The following RBFOX1 variants were observed in gnomAD, a reference collection of about 807,000 sequenced individuals.
The protein encoded by RBFOX1 is RNA binding fox-1 homolog 1, also known as RNA binding protein fox-1 homolog 1.
In RBFOX1, 8 loss-of-function variants were observed where a neutral mutation model predicts 57.7. That is an observed-to-expected ratio of 0.14 (90% CI 0.08 to 0.25). The LOEUF (loss-of-function observed/expected upper bound fraction) is 0.25. RBFOX1 is among the 10% of genes least tolerant of loss of function. The pLI is 1.00. For missense variants in RBFOX1, 611 were observed against 548.5 expected (o/e 1.11, Z -1.14); for synonymous variants, 326 against 222.4 (o/e 1.47, Z -4.15).
At chr16:6,406,843 G>T (rs1325869089) in intron 2 of RBFOX1, among the ~76,000 whole-genome samples, 1 of 152,122 alleles carries the variant, frequency 6.6e-6, no homozygotes, top group Non-Finnish European at 1.5e-5. Flanking sequence ...GTTAGAAATA[G>T]AATAGATCCA....
At chr16:5,568,885 G>A (rs1596308059) in intron 2 of RBFOX1, among the ~76,000 whole-genome samples, 1 of 152,288 alleles carries the variant, frequency 6.6e-6, no homozygotes, top group South Asian at 2.1e-4. Flanking sequence ...CTGTTGCCCA[G>A]GTTGGAGTGC....
At chr16:6,949,877 C>G (rs1330617532) in intron 3 of RBFOX1, among the ~76,000 whole-genome samples, 2 of 151,876 alleles carry the variant, frequency 1.3e-5, no homozygotes, top group African/African-American at 2.4e-5. Context: ...TGTTGCTGAA[C>G]TGTTCTCCCT....
In RBFOX1 at chr16:5,905,262, A is replaced by T. The variant is rs13339284; in HGVS notation, c.351+37927A>T. 6.6e-5 allele frequency among the ~76,000 whole-genome samples: 10 copies of T among 151,114 alleles called. No individual in the cohort carries two copies. The East Asian group carries it at 2.0e-3, about 31-fold the overall frequency. On this transcript the variant is annotated intron_variant, in intron 4 of 19. Transcript: ENST00000641259. The stretch of plus-strand genomic sequence containing the variant: ...TTCGTATTATTAGTAGAGACGGCCC[A>T]GGCTGGTCTAGAACTCCGGACCTCA...
At position 6,856,002 on chromosome 16, in the gene RBFOX1, A is replaced by G. The variant is rs141462827; in HGVS notation, c.-15-196055A>G. Among the ~76,000 whole-genome samples the G allele has an allele frequency of 7.7e-3, 1,173 of 151,988 alleles. 9 individuals carry two copies. Among genetic ancestry groups the G allele is most frequent in the Non-Finnish European group, 0.013 (858 of 67,986 alleles). Reference sequence around the variant, plus strand: ...CCTAATACAGGCCTATTGATCCTCCATCTTCCCTTATATTCTCTAACTAGG... The same window carrying G: ...CCTAATACAGGCCTATTGATCCTCCGTCTTCCCTTATATTCTCTAACTAGG... On this transcript the variant is annotated intron_variant, in intron 3 of 15. Coordinates refer to ENST00000550418, the MANE Select transcript of RBFOX1 (RefSeq NM_018723.4).
chr16:6,598,946 A>AAAAAC lies in RBFOX1; in HGVS notation c.-63-55638_-63-55634dup, dbSNP rs139494676. 3.7e-3 allele frequency among the ~76,000 whole-genome samples: 510 copies of AAAAAC among 136,198 alleles called. 3 individuals carry two copies. The highest frequency in any genetic ancestry group is 0.018 in the African/African-American group (491 of 26,644). The allele number at this position is 136,198 out of a possible 152,430, so 89.4% of individuals were successfully genotyped here. The stretch of plus-strand genomic sequence containing the variant: ...GTGTAACAGAGCAAGACTCCATGTT[A>AAAAAC]AAAACAAAACAAAACAAAACAAACT... On this transcript the variant is annotated intron_variant, in intron 2 of 15. Transcript: ENST00000550418.
chr16:6,086,599 T>C (rs2096088097), intron 1 of RBFOX1, among the ~76,000 whole-genome samples: 1 of 152,192 alleles, frequency 6.6e-6, no homozygotes, highest in Admixed American at 6.5e-5. Flanking sequence ...TACTGCTGAC[T>C]GGGCTGGGGG....
chr16:7,347,151 T>G (rs1055766574), intron 4 of RBFOX1, among the ~76,000 whole-genome samples: 1 of 152,146 alleles, frequency 6.6e-6, no homozygotes, highest in Non-Finnish European at 1.5e-5. Flanking sequence ...GGACACATTT[T>G]TTGGTTGTCG....
intron 4 of RBFOX1, among the ~76,000 whole-genome samples, chr16:7,256,859 C>T (rs759138539): frequency 6.6e-6 from 1 of 152,114 alleles, no homozygotes; most frequent in Admixed American, 6.5e-5. Context: ...CTGTCACTTC[C>T]CTATCCCCAC....
chr16:5,357,487 A>G (rs2065423358), intron 1 of RBFOX1, among the ~76,000 whole-genome samples: 1 of 152,252 alleles, frequency 6.6e-6, no homozygotes, highest in Non-Finnish European at 1.5e-5. Context: ...AGAGCCACAC[A>G]GAGAAGACTT....
In RBFOX1 at chr16:5,709,843, ATTTTTTTTTTTTTTTTTTTTTT is replaced by A. The variant is rs35733374; in HGVS notation, c.318+110895_318+110916del. ...TATATATATATATATATATATATAT[ATTTTTTTTTTTTTTTTTTTTTT>A]TTTTTTTTTTTTACCATTTCCTTTA... On this transcript the variant is annotated intron_variant, in intron 3 of 19. Coordinates refer to the RBFOX1 transcript ENST00000641259. Among the ~76,000 whole-genome samples the A allele has an allele frequency of 2.8e-3, 34 of 12,280 alleles. 1 individual carries two copies. Among genetic ancestry groups the A allele is most frequent in the Admixed American group, 5.8e-3 (4 of 684 alleles). 8.1% of individuals were successfully genotyped at this position (12,280 alleles called of 152,430 possible).
intron 3 of RBFOX1, among the ~76,000 whole-genome samples, chr16:5,709,948 T>G (rs2051423507): frequency 6.9e-6 from 1 of 144,992 alleles, no homozygotes; most frequent in Non-Finnish European, 1.5e-5. Flanking sequence ...GATGAGCACC[T>G]GAGAGATGAG....
intron 3 of RBFOX1, among the ~76,000 whole-genome samples, chr16:6,656,740 A>C (rs1465214080): frequency 6.6e-6 from 1 of 152,158 alleles, no homozygotes; most frequent in African/African-American, 2.4e-5. Flanking sequence ...TGACTGATAG[A>C]TAAATTTCTA....
chr16:6,819,705 CA>C (rs1181614275), intron 3 of RBFOX1, among the ~76,000 whole-genome samples: 981 of 20,590 alleles, frequency 0.048, 2 homozygotes, highest in Non-Finnish European at 0.056. Context: ...AACTCTGACT[CA>C]AAAAAAAAAA....
At chr16:6,485,505 T>C (rs531774469) in intron 2 of RBFOX1, among the ~76,000 whole-genome samples, 1 of 152,186 alleles carries the variant, frequency 6.6e-6, no homozygotes, top group Admixed American at 6.5e-5. Flanking sequence ...CTTTAACATA[T>C]GTTTTGCACG....
intron 1 of RBFOX1, among the ~76,000 whole-genome samples, chr16:6,235,697 G>T (rs1202970690): frequency 6.6e-6 from 1 of 151,814 alleles, no homozygotes; most frequent in Non-Finnish European, 1.5e-5. Flanking sequence ...ATGAATTAAT[G>T]GCATTCACAG....
At chr16:7,571,934 G>C (rs777641207) in intron 5 of RBFOX1, among the ~76,000 whole-genome samples, 3 of 152,170 alleles carry the variant, frequency 2.0e-5, no homozygotes, top group Non-Finnish European at 4.4e-5. Context: ...TTTGAGACCA[G>C]CCTGGCCAAC....
At chr16:6,772,006 T>A (rs62016076) in intron 3 of RBFOX1, among the ~76,000 whole-genome samples, 13,377 of 152,226 alleles carry the variant, frequency 0.088, 626 homozygotes, top group Admixed American at 0.13. Flanking sequence ...TTCGGCTCTT[T>A]CTGCCATTCC....
intron 3 of RBFOX1, among the ~76,000 whole-genome samples, chr16:6,847,814 A>G (rs945029585): frequency 3.3e-5 from 5 of 151,998 alleles, no homozygotes; most frequent in African/African-American, 1.2e-4. Context: ...CTATGAAAAA[A>G]ATTATTCCCA....
intron 3 of RBFOX1, among the ~76,000 whole-genome samples, chr16:6,821,180 G>T (rs1443422894): frequency 2.6e-5 from 4 of 152,148 alleles, no homozygotes; most frequent in Admixed American, 2.6e-4. Flanking sequence ...TTGCTGGAAG[G>T]CACTCCTGGA....
Sources: gnomAD v4.1 joint callset for allele counts (sites outside exome capture counted in the v4.1 genomes callset) on GRCh38, gnomAD v4.1.1 for gene constraint, MANE v1.5 for transcripts, NCBI Gene and HGNC (gene_info 2026-07-23, HGNC 2026-07-21) for gene names.